The following ZNF827 variants were observed in gnomAD, a reference collection of about 807,000 sequenced individuals.
ZNF827 encodes zinc finger protein 827.
Under a neutral mutation model 102.4 loss-of-function variants are expected in ZNF827, and 13 were observed. The observed-to-expected ratio is 0.13, with a 90% CI of 0.08 to 0.20. ZNF827 has a LOEUF of 0.20. Ranked by LOEUF, ZNF827 falls within the 10% of genes least tolerant of loss-of-function variation. ZNF827 has a pLI of 1.00. For synonymous variants in ZNF827, 523 were observed against 536.2 expected, an observed-to-expected ratio of 0.98 and a Z score of 0.34; for missense variants, 1,103 against 1,344.4, an observed-to-expected ratio of 0.82 and a Z score of 2.81.
chr4:145,933,590 T>C (rs911030057), intron 1 of ZNF827, among the ~76,000 whole-genome samples: 2 of 152,208 alleles, frequency 1.3e-5, no homozygotes, highest in African/African-American at 4.8e-5. Flanking sequence ...AATAACCTGA[T>C]CTGGTCTTGA....
At position 145,760,991 on chromosome 4, in the gene ZNF827, C is replaced by T. The variant is rs1734403262; in HGVS notation, c.*625G>A. 1 of 1,258,508 alleles carries T rather than the reference C, an allele frequency of 7.9e-7. No individual in the cohort carries two copies. The highest frequency in any genetic ancestry group is 1.0e-6 in the Non-Finnish European group (1 of 973,162). 78.0% of individuals were successfully genotyped at this position (1,258,508 alleles called of 1,614,324 possible). Reference sequence around the variant, plus strand: ...AAAGGGGAGCCGTTGAAGGCCAAAGCCTTGAGTGCCAGGTTGGGCTCTGAG... The same window carrying T: ...AAAGGGGAGCCGTTGAAGGCCAAAGTCTTGAGTGCCAGGTTGGGCTCTGAG... On this transcript the variant is annotated 3_prime_UTR_variant, in exon 15 of 15. Transcript: ENST00000508784.
At chr4:145,867,605 C>T (rs933633031) in intron 5 of ZNF827, among the ~76,000 whole-genome samples, 1 of 152,116 alleles carries the variant, frequency 6.6e-6, no homozygotes, top group African/African-American at 2.4e-5. Flanking sequence ...CCTTTTATTC[C>T]ACATCTTAGC....
At position 145,797,414 on chromosome 4, in the gene ZNF827, G is replaced by T. The variant is rs116416225; in HGVS notation, c.2384-17903C>A. ...CCTCTACTGCTCTTCTATAATAACA[G>T]CCAGAGGATTAATCTTTCTATCAAG... On this transcript the variant is annotated intron_variant, in intron 8 of 14. Coordinates refer to ENST00000508784, the MANE Select transcript of ZNF827 (RefSeq NM_001306215.2). Among the ~76,000 whole-genome samples the T allele has an allele frequency of 3.6e-3, 547 of 152,248 alleles. 1 individual carries two copies. Among genetic ancestry groups the T allele is most frequent in the African/African-American group, 0.012 (514 of 41,540 alleles).
intron 4 of ZNF827, among the ~76,000 whole-genome samples, chr4:145,878,258 G>A (rs1291288792): frequency 6.6e-6 from 1 of 152,156 alleles, no homozygotes; most frequent in African/African-American, 2.4e-5. Flanking sequence ...CTCCCAAGAG[G>A]AGGAAAATAT....
At chr4:145,834,148 C>G (rs1389015046) in intron 7 of ZNF827, among the ~76,000 whole-genome samples, 1 of 152,170 alleles carries the variant, frequency 6.6e-6, no homozygotes, top group African/African-American at 2.4e-5. Context: ...GACAGTAGTT[C>G]CAAATAGCCA....
At chr4:145,858,127 A>G (rs1257425094) in intron 5 of ZNF827, among the ~76,000 whole-genome samples, 1 of 111,154 alleles carries the variant, frequency 9.0e-6, no homozygotes, top group African/African-American at 3.7e-5. Flanking sequence ...ATGTGTGTGC[A>G]TGTGTGAGTG....
intron 1 of ZNF827, among the ~76,000 whole-genome samples, chr4:145,905,907 T>G (rs1751827939): frequency 6.6e-6 from 1 of 152,164 alleles, no homozygotes; most frequent in Admixed American, 6.5e-5. Flanking sequence ...TTATTCAAAT[T>G]TAAATACTTT....
intron 8 of ZNF827, among the ~76,000 whole-genome samples, chr4:145,823,194 G>T (rs1488750511): frequency 2.6e-5 from 4 of 152,112 alleles, no homozygotes; most frequent in African/African-American, 9.7e-5. Flanking sequence ...AATATCAGCA[G>T]GTAAAGAACA....
In ZNF827 at chr4:145,761,052, C is replaced by T; in HGVS notation, c.*564G>A. ...GGGCTGCCGACAGGGCCACGGTCTGCAGAGCCTGGGAGGCAGACATAACTG... is the reference window on the plus strand; with the variant it reads ...GGGCTGCCGACAGGGCCACGGTCTGTAGAGCCTGGGAGGCAGACATAACTG... On this transcript the variant is annotated 3_prime_UTR_variant, in exon 15 of 15. Coordinates refer to ENST00000508784, the MANE Select transcript of ZNF827 (RefSeq NM_001306215.2). This position sits in a 1 kb window ranked among gnomAD's most constrained non-coding sequence, Gnocchi z 6.8. 1 of 1,288,724 alleles carries T rather than the reference C, an allele frequency of 7.8e-7. No individual in the cohort carries two copies. Among genetic ancestry groups the T allele is most frequent in the Non-Finnish European group, 1.0e-6 (1 of 988,122 alleles). 79.8% of individuals were successfully genotyped at this position (1,288,724 alleles called of 1,614,324 possible).
intron 5 of ZNF827, among the ~76,000 whole-genome samples, chr4:145,863,974 G>T (rs955023157): frequency 3.3e-5 from 5 of 151,880 alleles, no homozygotes; most frequent in African/African-American, 9.7e-5. Flanking sequence ...TGGGCAGATT[G>T]TCTGAGCTCA....
chr4:145,887,035 C>T (rs972435303), intron 3 of ZNF827, among the ~76,000 whole-genome samples: 2 of 152,248 alleles, frequency 1.3e-5, no homozygotes, highest in Non-Finnish European at 2.9e-5. Context: ...GTAACTTCCC[C>T]ATTTATCTCT....
intron 8 of ZNF827, among the ~76,000 whole-genome samples, chr4:145,788,439 C>A (rs1739201775): frequency 6.6e-6 from 1 of 152,110 alleles, no homozygotes; most frequent in African/African-American, 2.4e-5. Flanking sequence ...TTGATGGCTG[C>A]CATTATAACA....
At chr4:145,855,939 A>G (rs1316589295) in intron 5 of ZNF827, among the ~76,000 whole-genome samples, 2 of 151,796 alleles carry the variant, frequency 1.3e-5, no homozygotes, top group Non-Finnish European at 2.9e-5. Flanking sequence ...TTTTTACCCT[A>G]CACTGTGTCT....
At chr4:145,789,132 G>T (rs527751390) in intron 8 of ZNF827, among the ~76,000 whole-genome samples, 11 of 152,188 alleles carry the variant, frequency 7.2e-5, no homozygotes, top group Non-Finnish European at 1.5e-4. Context: ...CAATCACGAA[G>T]ATGAAAGCCA....
chr4:145,907,499 G>A (rs1239543299), intron 1 of ZNF827, among the ~76,000 whole-genome samples: 2 of 152,168 alleles, frequency 1.3e-5, no homozygotes, highest in Non-Finnish European at 2.9e-5. Flanking sequence ...CACAATCTGA[G>A]AAGTCTCAGG....
intron 4 of ZNF827, among the ~76,000 whole-genome samples, chr4:145,871,821 A>G (rs1748711483): frequency 2.0e-5 from 3 of 152,150 alleles, no homozygotes; most frequent in Non-Finnish European, 4.4e-5. Context: ...AGACCAGCAT[A>G]TTTGGAAACT....
chr4:145,812,592 A>G (rs1053601286), intron 8 of ZNF827, among the ~76,000 whole-genome samples: 4 of 151,996 alleles, frequency 2.6e-5, no homozygotes, highest in Middle Eastern at 3.4e-3. Context: ...CAGTGGCGTG[A>G]TCTAGGCTCA....
chr4:145,864,735 C>T (rs1283702993), intron 5 of ZNF827, among the ~76,000 whole-genome samples: 1 of 152,150 alleles, frequency 6.6e-6, no homozygotes, highest in African/African-American at 2.4e-5. Context: ...TTAGATCTAC[C>T]TGTTCACTTT....
At chr4:145,922,093 G>A in intron 1 of ZNF827, among the ~76,000 whole-genome samples, 1 of 152,190 alleles carries the variant, frequency 6.6e-6, no homozygotes, top group East Asian at 1.9e-4. Context: ...GTGAGTTTAG[G>A]ATTCCCCATC....
Sources: allele counts gnomAD v4.1 joint callset (sites outside exome capture counted in the v4.1 genomes callset), GRCh38; gene constraint gnomAD v4.1.1; non-coding constraint Gnocchi (gnomAD v3.1); transcripts MANE v1.5; gene names NCBI Gene and HGNC (gene_info 2026-07-23, HGNC 2026-07-21).